Variants in EFCAB6 observed in about 807,000 individuals in gnomAD.
EFCAB6 encodes the protein EF-hand calcium binding domain 6, also known as EF-hand calcium-binding domain-containing protein 6.
EFCAB6 carries 156 observed loss-of-function variants against 169.8 expected under a neutral mutation model. The observed-to-expected ratio is 0.92, with a 90% CI of 0.81 to 1.05. The LOEUF is 1.05. EFCAB6 is among the 50% of genes least tolerant of loss of function. The pLI is 0.00. For missense variants in EFCAB6, 1,800 were observed against 1,829.1 expected (o/e 0.98, Z 0.29); for synonymous variants, 698 against 676.4 (o/e 1.03, Z -0.50).
chr22:43,652,028 T>C (rs1445051490), intron 17 of EFCAB6, among the ~76,000 whole-genome samples: 3 of 152,212 alleles, frequency 2.0e-5, no homozygotes, highest in Non-Finnish European at 4.4e-5. Context: ...TTTGAGTTAA[T>C]GCTGAAATGA....
intron 2 of EFCAB6, among the ~76,000 whole-genome samples, chr22:43,784,568 TGTGTAC>T (rs2061965363): frequency 4.2e-5 from 2 of 47,094 alleles, no homozygotes; most frequent in African/African-American, 1.7e-4. Flanking sequence ...CACATATATA[TGTGTAC>T]ATATACACAT....
intron 11 of EFCAB6, among the ~76,000 whole-genome samples, chr22:43,686,839 C>T (rs1245342488): frequency 6.6e-5 from 10 of 152,172 alleles, no homozygotes; most frequent in African/African-American, 9.6e-5. Flanking sequence ...ATACAGGATA[C>T]GCATCAACAT....
At chr22:43,731,627 T>G (rs2059952561) in intron 8 of EFCAB6, 72 bp downstream of exon 8, 1 of 833,612 alleles carries the variant, frequency 1.2e-6, no homozygotes, top group South Asian at 2.2e-5. Flanking sequence ...TCCTCAGGAA[T>G]GATCCAAAGA....
intron 10 of EFCAB6, among the ~76,000 whole-genome samples, chr22:43,706,469 AG>A (rs755866584): frequency 2.0e-5 from 3 of 152,234 alleles, no homozygotes; most frequent in Non-Finnish European, 2.9e-5. Flanking sequence ...CCCCACCAGC[AG>A]GCACAGTTCT....
intron 23 of EFCAB6, among the ~76,000 whole-genome samples, chr22:43,590,742 CA>C (rs553431883): frequency 0.048 from 3,827 of 80,048 alleles, 119 homozygotes; most frequent in African/African-American, 0.15. Flanking sequence ...GTTTGAAGGC[CA>C]AAAAAAAAAA....
At chr22:43,718,196 T>C (rs2059401706) in intron 8 of EFCAB6, among the ~76,000 whole-genome samples, 3 of 152,318 alleles carry the variant, frequency 2.0e-5, no homozygotes, top group South Asian at 4.1e-4. Flanking sequence ...TTGTGTTTTC[T>C]GGCTTTTTTG....
rs376594494 is a variant in EFCAB6, at chr22:43,575,121, C to T, written c.3420+1176G>A. 4.0e-4 allele frequency among the ~76,000 whole-genome samples: 61 copies of T among 152,240 alleles called. No individual in the cohort carries two copies. The South Asian group carries it at 0.012, about 29-fold the overall frequency. ...TGCATGTTCATTAACAGGAGGGTGA[C>T]GACCGAATGGCAGCATGTTATTCAC... is the stretch of plus-strand genomic sequence containing the variant. On this transcript the variant is annotated intron_variant, in intron 26 of 31. Coordinates refer to ENST00000262726, the MANE Select transcript of EFCAB6 (RefSeq NM_022785.4).
chr22:43,713,927 C>G (rs777265587), intron 9 of EFCAB6, among the ~76,000 whole-genome samples: 6 of 151,942 alleles, frequency 3.9e-5, no homozygotes, highest in Non-Finnish European at 8.8e-5. Context: ...CAGGCAAAGA[C>G]AAAGAACCCG....
In EFCAB6 at chr22:43,795,257, T is replaced by C. The variant is rs1490985720; in HGVS notation, c.-7-12932A>G. Among the ~76,000 whole-genome samples, 1 of 152,194 alleles carries C rather than the reference T, an allele frequency of 6.6e-6. No homozygotes were observed. On this transcript the variant is annotated intron_variant, in intron 2 of 31. Transcript: ENST00000262726. The surrounding 1 kb of genome is among the most constrained non-coding windows in gnomAD (Gnocchi z 4.2). ...GACAATGTCAAGAGAACAAGTACAG[T>C]GGGGCATACACTATGAATACAACGA...
intron 26 of EFCAB6, among the ~76,000 whole-genome samples, chr22:43,556,488 C>T (rs2048715127): frequency 6.6e-6 from 1 of 152,206 alleles, no homozygotes; most frequent in African/African-American, 2.4e-5. Context: ...CCCACCATGG[C>T]TGTGAGCTTT....
intron 8 of EFCAB6, 128 bp downstream of exon 8, chr22:43,731,571 C>T (rs983822031): frequency 9.4e-6 from 5 of 530,078 alleles, no homozygotes; most frequent in Non-Finnish European, 1.6e-5. Flanking sequence ...ATAATGATAC[C>T]ATGGCTAGCT....
At chr22:43,808,765 G>A (rs2063006965) in intron 2 of EFCAB6, among the ~76,000 whole-genome samples, 1 of 152,202 alleles carries the variant, frequency 6.6e-6, no homozygotes, top group Non-Finnish European at 1.5e-5. Flanking sequence ...AAAAAACCCA[G>A]CAGGAAGAAC....
intron 30 of EFCAB6, chr22:43,532,103 A>G (rs762751060): frequency 2.0e-5 from 3 of 151,082 alleles, no homozygotes; most frequent in Non-Finnish European, 4.4e-5. Flanking sequence ...AAAGCCTTCA[A>G]TCTCAATCCA....
intron 10 of EFCAB6, among the ~76,000 whole-genome samples, chr22:43,690,274 C>A (rs567709224): frequency 1.5e-4 from 22 of 145,778 alleles, no homozygotes; most frequent in Non-Finnish European, 2.7e-4. Flanking sequence ...CGGAGGCAGG[C>A]GGATCACGAG....
chr22:43,606,889 T>A (rs1422794039), intron 22 of EFCAB6, among the ~76,000 whole-genome samples: 1 of 152,164 alleles, frequency 6.6e-6, no homozygotes, highest in Non-Finnish European at 1.5e-5. Flanking sequence ...CACTCTCATT[T>A]CCCACATGGC....
chr22:43,595,061 A>C (rs916411216), intron 23 of EFCAB6, among the ~76,000 whole-genome samples: 1 of 152,176 alleles, frequency 6.6e-6, no homozygotes, highest in Non-Finnish European at 1.5e-5. Context: ...AGAAGATTAA[A>C]AATGTATTGA....
intron 26 of EFCAB6, among the ~76,000 whole-genome samples, chr22:43,568,380 G>A (rs2049588688): frequency 6.6e-6 from 1 of 152,180 alleles, no homozygotes; most frequent in Admixed American, 6.5e-5. Flanking sequence ...TTGGTACCTG[G>A]CTTCTTGATA....
chr22:43,634,788 A>G (rs1032384434), intron 18 of EFCAB6, among the ~76,000 whole-genome samples: 6 of 152,308 alleles, frequency 3.9e-5, no homozygotes, highest in East Asian at 3.9e-4. Flanking sequence ...ACAGATAACC[A>G]GCAACTACCT....
intron 8 of EFCAB6, among the ~76,000 whole-genome samples, chr22:43,726,336 G>T: frequency 7.0e-6 from 1 of 143,834 alleles, no homozygotes; most frequent in South Asian, 2.2e-4. Context: ...AACTGACTAT[G>T]AGTAGACAGA....
Sources: allele counts gnomAD v4.1 joint callset (sites outside exome capture counted in the v4.1 genomes callset), GRCh38; gene constraint gnomAD v4.1.1; non-coding constraint Gnocchi (gnomAD v3.1); transcripts MANE v1.5; gene names NCBI Gene and HGNC (gene_info 2026-07-23, HGNC 2026-07-21).